Variants in SLIT1 observed in about 807,000 individuals in gnomAD.
SLIT1 encodes the protein slit homolog 1 protein.
SLIT1 carries 66 observed loss-of-function variants against 186.1 expected under a neutral mutation model. The ratio of observed to expected loss-of-function variants is 0.35; its 90% CI spans 0.29 to 0.44. The LOEUF (loss-of-function observed/expected upper bound fraction) is 0.44. Ranked by LOEUF, SLIT1 falls within the 20% of genes least tolerant of loss-of-function variation. The probability of loss-of-function intolerance (pLI) is 1.00; values close to 1 mark genes in which losing one functional copy is unlikely to be tolerated. For synonymous variants in SLIT1, 761 were observed against 833.8 expected (o/e 0.91, Z 1.50); for missense variants, 1,638 against 2,037.4 (o/e 0.80, Z 3.77).
At chr10:97,032,124 C>T (rs773560782) in intron 23 of SLIT1, among the ~76,000 whole-genome samples, 15 of 152,250 alleles carry the variant, frequency 9.9e-5, no homozygotes, top group Non-Finnish European at 2.1e-4. Flanking sequence ...TCTCAGCCGA[C>T]CACTTCCAGG....
At chr10:97,030,917 G>T in intron 24 of SLIT1, 89 bp from the exon 25 acceptor site, 1 of 1,145,098 alleles carries the variant, frequency 8.7e-7, no homozygotes. Context: ...TGCAGAGAGG[G>T]GACAGGCCGT....
chr10:97,115,799 C>G (rs564600237), intron 4 of SLIT1, among the ~76,000 whole-genome samples: 1 of 152,226 alleles, frequency 6.6e-6, no homozygotes, highest in Non-Finnish European at 1.5e-5. Context: ...CTCTGCCCTT[C>G]CTTCTGAGGA....
At chr10:97,067,013 GA>G (rs1353652023) in intron 4 of SLIT1, among the ~76,000 whole-genome samples, 1 of 152,206 alleles carries the variant, frequency 6.6e-6, no homozygotes, top group Non-Finnish European at 1.5e-5. Flanking sequence ...GCTGACTCAG[GA>G]AGGACAGAAT....
At chr10:97,086,576 C>T (rs1005113672) in intron 4 of SLIT1, among the ~76,000 whole-genome samples, 3 of 151,766 alleles carry the variant, frequency 2.0e-5, no homozygotes, top group Non-Finnish European at 2.9e-5. Context: ...AGACTCCAAC[C>T]CTCCCAAAAA....
intron 4 of SLIT1, among the ~76,000 whole-genome samples, chr10:97,137,782 T>G (rs1849717134): frequency 6.6e-6 from 1 of 152,172 alleles, no homozygotes; most frequent in African/African-American, 2.4e-5. Flanking sequence ...GACGGGGTTT[T>G]GTCATGTTGC....
At chr10:97,062,158 C>A (rs150529027) in intron 8 of SLIT1, among the ~76,000 whole-genome samples, 3 of 152,366 alleles carry the variant, frequency 2.0e-5, no homozygotes, top group Admixed American at 1.3e-4. Context: ...CAGAGGCAGT[C>A]CTGGCTCACA....
intron 4 of SLIT1, among the ~76,000 whole-genome samples, chr10:97,117,139 T>G (rs899896618): frequency 1.3e-5 from 2 of 152,316 alleles, no homozygotes; most frequent in South Asian, 4.1e-4. Context: ...ATTTTTTCTC[T>G]GTGTTTCTAC....
At chr10:97,100,862 C>T (rs1490690) in intron 4 of SLIT1, among the ~76,000 whole-genome samples, 83,388 of 152,130 alleles carry the variant, frequency 0.55, 24,601 homozygotes, top group East Asian at 0.77. Context: ...GCCCTGGAAG[C>T]CACAGGGCTC....
Position 97,060,627 on chromosome 10 carries a change from G to A in SLIT1, c.941+13C>T, listed in dbSNP as rs762366900. On this transcript the variant is annotated intron_variant, in intron 9 of 36. Coordinates refer to ENST00000266058, the MANE Select transcript of SLIT1 (RefSeq NM_003061.3). ...AGGGCTGTGCCCCAGCATCTGCCCTGCCCCGTACTCACATCTCCGTCATGG... is the reference window on the plus strand; with the variant it reads ...AGGGCTGTGCCCCAGCATCTGCCCTACCCCGTACTCACATCTCCGTCATGG... The A allele has an allele frequency of 6.2e-7, 1 of 1,612,272 alleles. No individual in the cohort carries two copies. Among genetic ancestry groups the A allele is most frequent in the South Asian group, 1.1e-5 (1 of 90,992 alleles).
At chr10:97,056,091 A>G (rs1039249789) in intron 13 of SLIT1, among the ~76,000 whole-genome samples, 1 of 152,226 alleles carries the variant, frequency 6.6e-6, no homozygotes, top group Non-Finnish European at 1.5e-5. Flanking sequence ...CTTACGGATA[A>G]ATAAAAATGA....
chr10:97,080,561 C>T (rs1849093560), intron 4 of SLIT1, among the ~76,000 whole-genome samples: 1 of 152,204 alleles, frequency 6.6e-6, no homozygotes, highest in Admixed American at 6.5e-5. Flanking sequence ...CAGATTGCCC[C>T]ACCCCAGCCA....
chr10:97,182,541 C>T (rs893932116), intron 1 of SLIT1, among the ~76,000 whole-genome samples: 3 of 152,254 alleles, frequency 2.0e-5, no homozygotes, highest in Non-Finnish European at 4.4e-5. Flanking sequence ...GCCTGGAGAA[C>T]AGGCGGGCTC....
intron 4 of SLIT1, among the ~76,000 whole-genome samples, chr10:97,077,090 G>A (rs1486958622): frequency 6.6e-6 from 1 of 152,184 alleles, no homozygotes; most frequent in African/African-American, 2.4e-5. Flanking sequence ...TAGTGAGTGA[G>A]AGCCCATCTC....
intron 4 of SLIT1, among the ~76,000 whole-genome samples, chr10:97,077,446 G>A (rs1312645386): frequency 6.6e-6 from 1 of 152,190 alleles, no homozygotes; most frequent in Non-Finnish European, 1.5e-5. Flanking sequence ...AGATGGCAGG[G>A]TCATCAGATC....
In SLIT1 at chr10:97,134,159, G is replaced by A. The variant is rs151106288; in HGVS notation, c.413+23659C>T. Among the ~76,000 whole-genome samples, 515 of 152,204 alleles carry A rather than the reference G, an allele frequency of 3.4e-3. 2 individuals carry two copies. Among genetic ancestry groups the A allele is most frequent in the African/African-American group, 0.012 (494 of 41,534 alleles). On this transcript the variant is annotated intron_variant, in intron 4 of 36. Transcript: ENST00000266058. ...GGCGGCCTCACTTCCTCTCCCCAAAGAGGTGTGTTTGCTCTGCTCTGGGTG... is the reference window on the plus strand; with the variant it reads ...GGCGGCCTCACTTCCTCTCCCCAAAAAGGTGTGTTTGCTCTGCTCTGGGTG...
chr10:97,043,111 C>T lies in SLIT1; in HGVS notation c.1998-44G>A. ...GCGGCCATGGAGACACTCTGCCCCT[C>T]TCAGAGGTCCCAGCAAACCCCTCCT... On this transcript the variant is annotated intron_variant, in intron 19 of 36. Coordinates refer to ENST00000266058, the MANE Select transcript of SLIT1 (RefSeq NM_003061.3). The surrounding 1 kb of genome is among the most constrained non-coding windows in gnomAD (Gnocchi z 7.0). 1 of 1,592,818 alleles carries T rather than the reference C, an allele frequency of 6.3e-7. No individual in the cohort carries two copies. Among genetic ancestry groups the T allele is most frequent in the Non-Finnish European group, 8.6e-7 (1 of 1,168,060 alleles).
At chr10:97,182,865 C>T (rs1262651433) in intron 1 of SLIT1, among the ~76,000 whole-genome samples, 1 of 152,138 alleles carries the variant, frequency 6.6e-6, no homozygotes, top group African/African-American at 2.4e-5. Context: ...TATGCTCACG[C>T]CTGTAATCCC....
intron 4 of SLIT1, among the ~76,000 whole-genome samples, chr10:97,147,466 A>G (rs1455307216): frequency 6.6e-6 from 1 of 152,088 alleles, no homozygotes; most frequent in Non-Finnish European, 1.5e-5. Flanking sequence ...GTTACAAAGG[A>G]AAAAAAAGAG....
intron 13 of SLIT1, among the ~76,000 whole-genome samples, chr10:97,050,366 C>T (rs1010587509): frequency 1.3e-5 from 2 of 152,164 alleles, no homozygotes; most frequent in Admixed American, 6.5e-5. Flanking sequence ...CAGACCTTGG[C>T]GGTGCTCTCT....
Sources: gnomAD v4.1 joint callset for allele counts (sites outside exome capture counted in the v4.1 genomes callset) on GRCh38, gnomAD v4.1.1 for gene constraint, Gnocchi (gnomAD v3.1) non-coding constraint, MANE v1.5 for transcripts, NCBI Gene and HGNC (gene_info 2026-07-23, HGNC 2026-07-21) for gene names.